CD48: variants seen among roughly 807,000 people sequenced by gnomAD.
CD48 encodes CD48 antigen.
In CD48, 20 loss-of-function variants were observed where a neutral mutation model predicts 22.0. The ratio of observed to expected loss-of-function variants is 0.91; its 90% confidence interval spans 0.64 to 1.32. The LOEUF (loss-of-function observed/expected upper bound fraction) is 1.32, where lower values mean the gene tolerates loss of function less well. CD48 is among the 40% of genes most tolerant of loss of function. CD48 has a pLI of 0.00. For missense variants in CD48, 307 were observed against 286.5 expected (o/e 1.07, Z -0.52); for synonymous variants, 110 against 110.1 (o/e 1.00, Z 0.01).
chr1:160,696,886 C>T (rs1662446369), intron 1 of CD48, among the ~76,000 whole-genome samples: 1 of 148,508 alleles, frequency 6.7e-6, no homozygotes, highest in Admixed American at 6.8e-5. Flanking sequence ...TCCAAAAATT[C>T]TTAAGTCAGT....
intron 1 of CD48, among the ~76,000 whole-genome samples, chr1:160,707,631 G>T (rs1208134572): frequency 6.6e-6 from 1 of 152,160 alleles, no homozygotes; most frequent in Non-Finnish European, 1.5e-5. Context: ...AAAGAAGGAG[G>T]CACATGCTTT....
intron 1 of CD48, among the ~76,000 whole-genome samples, chr1:160,688,187 C>T (rs2102410657): frequency 6.6e-6 from 1 of 152,264 alleles, no homozygotes; most frequent in East Asian, 1.9e-4. Context: ...ACAAAATGAG[C>T]CGTTTGAATA....
Position 160,684,941 on chromosome 1 carries a change from C to T in CD48, c.331G>A (p.Val111Met), listed in dbSNP as rs764239737. 6.2e-7 allele frequency: 1 copy of T among 1,614,160 alleles called. No individual in the cohort carries two copies. Among genetic ancestry groups the T allele is most frequent in the Non-Finnish European group, 8.5e-7 (1 of 1,180,034 alleles). Reference protein sequence around the residue: ...KEDNSTYIMRVLKKTGNEQEW... With the variant: ...KEDNSTYIMRMLKKTGNEQEW... The stretch of plus-strand genomic sequence containing the variant: ...TGCTCATTCCCAGTCTTTTTCAACA[C>T]CCTCATGATGTAGGTGCTGTTGTCC... Residue 111 changes from valine to methionine, a missense_variant, in exon 2 of 4, where the codon GTG (valine) becomes ATG (methionine). Val to Met is a conservative substitution (Grantham distance 21). Coordinates refer to ENST00000368046, the MANE Select transcript of CD48 (RefSeq NM_001778.4).
chr1:160,680,710 C>G (rs1365251263), intron 3 of CD48: 1 of 1,021,320 alleles, frequency 9.8e-7, no homozygotes, highest in Non-Finnish European at 1.2e-6. Context: ...GCTCTCACGC[C>G]TCCTCGACGG....
At position 160,681,175 on chromosome 1, in the gene CD48, C is replaced by T. The variant is rs183937240; in HGVS notation, c.652+27G>A. ...AAACAACTCCAGTTACCCTGTGCCC[C>T]CCTCAGCTCCCAGGGATCCTTCTTA... On this transcript the variant is annotated intron_variant, in intron 3 of 3. Coordinates refer to ENST00000368046, the MANE Select transcript of CD48 (RefSeq NM_001778.4). 1.5e-3 allele frequency: 2,494 copies of T among 1,614,048 alleles called. 3 individuals are homozygous for T. The highest frequency in any genetic ancestry group is 2.0e-3 in the Non-Finnish European group (2,313 of 1,179,968).
intron 3 of CD48, 195 bp downstream of exon 3, chr1:160,681,007 C>T (rs1661774943): frequency 7.3e-7 from 1 of 1,366,750 alleles, no homozygotes; most frequent in Non-Finnish European, 9.7e-7. Flanking sequence ...ACTGAGCCCC[C>T]ACGAAGTTGA....
chr1:160,684,181 C>G (rs1185390484), intron 2 of CD48: 1 of 152,374 alleles, frequency 6.6e-6, no homozygotes, highest in Non-Finnish European at 1.5e-5. Flanking sequence ...CTTCCTAGCT[C>G]TTTTAAACTC....
intron 1 of CD48, among the ~76,000 whole-genome samples, chr1:160,708,795 T>A (rs1050925225): frequency 6.6e-6 from 1 of 152,172 alleles, no homozygotes; most frequent in African/African-American, 2.4e-5. Flanking sequence ...TTGTGCCCCT[T>A]CACCTTGAAA....
At position 160,705,641 on chromosome 1, in the gene CD48, A is replaced by G. The variant is rs190178268; in HGVS notation, c.82+6041T>C. Among the ~76,000 whole-genome samples the G allele has an allele frequency of 3.2e-4, 49 of 152,312 alleles. No homozygotes were observed. In the East Asian group the frequency reaches 9.3e-3, roughly 29 times the overall value. On this transcript the variant is annotated intron_variant, in intron 1 of 3. Coordinates refer to ENST00000368046, the MANE Select transcript of CD48 (RefSeq NM_001778.4). ...TACAGCCTAGGAGGACATTCTTTCTAGGAGTTTAAAATCACTAGACATATT... is the reference window on the plus strand; with the variant it reads ...TACAGCCTAGGAGGACATTCTTTCTGGGAGTTTAAAATCACTAGACATATT...
intron 1 of CD48, 76 bp downstream of exon 1, chr1:160,711,606 C>A: frequency 1.8e-6 from 2 of 1,125,246 alleles, no homozygotes; most frequent in East Asian, 4.7e-5. Context: ...TAGGGTTGAA[C>A]TACATCCCGT....
intron 1 of CD48, among the ~76,000 whole-genome samples, chr1:160,700,572 T>C (rs1662595559): frequency 6.6e-6 from 1 of 152,300 alleles, no homozygotes; most frequent in South Asian, 2.1e-4. Flanking sequence ...GAAATGGCTG[T>C]ACTCTAGATA....
intron 1 of CD48, among the ~76,000 whole-genome samples, chr1:160,711,338 G>T (rs1226931609): frequency 6.6e-6 from 1 of 152,180 alleles, no homozygotes; most frequent in African/African-American, 2.4e-5. Flanking sequence ...AGCATAAAAT[G>T]CAGCAGCTGT....
At chr1:160,701,867 A>T (rs1470096499) in intron 1 of CD48, among the ~76,000 whole-genome samples, 1 of 152,212 alleles carries the variant, frequency 6.6e-6, no homozygotes, top group Non-Finnish European at 1.5e-5. Flanking sequence ...CTTCGGCACC[A>T]GTATCTACTA....
chr1:160,694,305 C>T (rs896404804), intron 1 of CD48, among the ~76,000 whole-genome samples: 2 of 152,196 alleles, frequency 1.3e-5, no homozygotes, highest in Non-Finnish European at 2.9e-5. Flanking sequence ...AGTCAGGTCT[C>T]AGAGAACAGA....
chr1:160,697,891 A>T (rs1662488987), intron 1 of CD48, among the ~76,000 whole-genome samples: 2 of 152,202 alleles, frequency 1.3e-5, no homozygotes, highest in Admixed American at 1.3e-4. Context: ...CAGAAAGTCT[A>T]GACAAACATA....
chr1:160,684,886 C>T lies in CD48; in HGVS notation c.385+1G>A. 6.2e-7 allele frequency: 1 copy of T among 1,614,138 alleles called. No individual in the cohort carries two copies. The highest frequency in any genetic ancestry group is 8.5e-7 in the Non-Finnish European group (1 of 1,180,020). On this transcript the variant is annotated splice_donor_variant, in intron 2 of 3. Transcript: ENST00000368046. LOFTEE classifies it high-confidence loss of function. ...TTTGCTCTTTGGCTCCCCTGACTCA[C>T]CAAGCACTTGCAGCTTGATCTTCCA...
intron 2 of CD48, among the ~76,000 whole-genome samples, chr1:160,683,365 C>T (rs1045521127): frequency 2.6e-5 from 4 of 152,310 alleles, no homozygotes; most frequent in Admixed American, 1.3e-4. Flanking sequence ...TACCCTCAGG[C>T]AGGATGTGCT....
chr1:160,705,937 A>G (rs1662780754), intron 1 of CD48, among the ~76,000 whole-genome samples: 1 of 152,106 alleles, frequency 6.6e-6, no homozygotes, highest in African/African-American at 2.4e-5. Flanking sequence ...AAATTCTCCC[A>G]CATTCACCCT....
chr1:160,690,458 G>A (rs1197722161), intron 1 of CD48, among the ~76,000 whole-genome samples: 15 of 152,192 alleles, frequency 9.9e-5, no homozygotes, highest in Admixed American at 9.8e-4. Context: ...ACTGAGGGCA[G>A]CTGTGAACAA....
Sources: allele counts gnomAD v4.1 joint callset (sites outside exome capture counted in the v4.1 genomes callset), GRCh38; gene constraint gnomAD v4.1.1; transcripts MANE v1.5; gene names NCBI Gene and HGNC (gene_info 2026-07-23, HGNC 2026-07-21).